Variants in TNFAIP8 observed in about 807,000 individuals in gnomAD.
TNFAIP8 encodes the protein TNF alpha induced protein 8.
TNFAIP8 carries 7 observed loss-of-function variants against 13.3 expected under a neutral mutation model. The ratio of observed to expected loss-of-function variants is 0.52; its 90% confidence interval spans 0.30 to 0.99. The LOEUF (loss-of-function observed/expected upper bound fraction) is 0.99. Among genes scored for constraint, TNFAIP8 ranks in the 50% least tolerant of loss-of-function variants. TNFAIP8 has a pLI of 0.07. For synonymous variants in TNFAIP8, 94 were observed against 87.6 expected, an observed-to-expected ratio of 1.07 and a Z score of -0.41; for missense variants, 258 against 236.9, an observed-to-expected ratio of 1.09 and a Z score of -0.58.
chr5:119,359,336 C>T (rs973910073), intron 1 of TNFAIP8, among the ~76,000 whole-genome samples: 1 of 152,144 alleles, frequency 6.6e-6, no homozygotes, highest in Non-Finnish European at 1.5e-5. Context: ...TTTTCTGAAC[C>T]TAAACTCAGA....
intron 1 of TNFAIP8, among the ~76,000 whole-genome samples, chr5:119,358,653 A>G (rs1751525131): frequency 6.6e-6 from 1 of 152,214 alleles, no homozygotes; most frequent in Non-Finnish European, 1.5e-5. Flanking sequence ...AACAGTTTCC[A>G]GTGGATGGGG....
chr5:119,344,374 G>A (rs569856385), intron 1 of TNFAIP8, among the ~76,000 whole-genome samples: 2 of 152,302 alleles, frequency 1.3e-5, no homozygotes, highest in East Asian at 3.9e-4. Flanking sequence ...AGGGCACCAA[G>A]CCATTCATTA....
At chr5:119,385,418 C>T (rs1752631957) in intron 1 of TNFAIP8, among the ~76,000 whole-genome samples, 1 of 152,140 alleles carries the variant, frequency 6.6e-6, no homozygotes, top group Non-Finnish European at 1.5e-5. Context: ...TGGCCCATTA[C>T]CTTTGCATCT....
intron 1 of TNFAIP8, among the ~76,000 whole-genome samples, chr5:119,372,698 G>C (rs1239604596): frequency 6.6e-6 from 1 of 152,158 alleles, no homozygotes. Flanking sequence ...TATGGCTCAT[G>C]CCTGTAATCC....
At chr5:119,305,427 C>T (rs979428557) in intron 1 of TNFAIP8, among the ~76,000 whole-genome samples, 1 of 152,086 alleles carries the variant, frequency 6.6e-6, no homozygotes, top group Non-Finnish European at 1.5e-5. Flanking sequence ...CATATCAATT[C>T]TAATTTTAAA....
At chr5:119,321,149 G>A (rs1216471803) in intron 1 of TNFAIP8, among the ~76,000 whole-genome samples, 1 of 152,074 alleles carries the variant, frequency 6.6e-6, no homozygotes, top group Non-Finnish European at 1.5e-5. Context: ...CCCGGGAGGC[G>A]GAGCTTGCAG....
chr5:119,282,551 A>T (rs73248976), intron 1 of TNFAIP8, among the ~76,000 whole-genome samples: 1,545 of 152,310 alleles, frequency 0.01, 17 homozygotes, highest in African/African-American at 0.035. Flanking sequence ...CATTTTCAGG[A>T]CTAGCATGTT....
At chr5:119,317,009 A>T (rs1749918417) in intron 1 of TNFAIP8, among the ~76,000 whole-genome samples, 1 of 152,236 alleles carries the variant, frequency 6.6e-6, no homozygotes, top group Admixed American at 6.5e-5. Flanking sequence ...AATCAGGCTG[A>T]AGAAATGCCA....
chr5:119,294,282 TGA>T (rs1030396736), intron 1 of TNFAIP8, among the ~76,000 whole-genome samples: 1 of 145,904 alleles, frequency 6.9e-6, no homozygotes, highest in Non-Finnish European at 1.5e-5. Flanking sequence ...CACCTATGAG[TGA>T]GAACATGCGG....
At chr5:119,392,433 C>G (rs185626327) in intron 1 of TNFAIP8, among the ~76,000 whole-genome samples, 1 of 152,032 alleles carries the variant, frequency 6.6e-6, no homozygotes, top group African/African-American at 2.4e-5. Context: ...CTGTGTCACC[C>G]AGGCTGGAGT....
chr5:119,387,975 T>G (rs1291118004), intron 1 of TNFAIP8, among the ~76,000 whole-genome samples: 1 of 152,224 alleles, frequency 6.6e-6, no homozygotes, highest in Non-Finnish European at 1.5e-5. Context: ...AAAAACTGAA[T>G]GAATATTTTC....
chr5:119,329,307 G>A (rs1212470920), intron 1 of TNFAIP8, among the ~76,000 whole-genome samples: 1 of 152,188 alleles, frequency 6.6e-6, no homozygotes, highest in Non-Finnish European at 1.5e-5. Flanking sequence ...ATAGAAACAA[G>A]TACTACATGA....
intron 1 of TNFAIP8, among the ~76,000 whole-genome samples, chr5:119,336,441 C>A (rs1163841256): frequency 6.6e-6 from 1 of 152,182 alleles, no homozygotes; most frequent in East Asian, 1.9e-4. Flanking sequence ...TGTGTTTCAA[C>A]CTGGTTCATC....
chr5:119,333,512 G>A, intron 1 of TNFAIP8: 1 of 1,514,892 alleles, frequency 6.6e-7, no homozygotes, highest in Non-Finnish European at 8.8e-7. Context: ...GGGTGATGCA[G>A]GTTCCATAGT....
intron 1 of TNFAIP8, among the ~76,000 whole-genome samples, chr5:119,364,951 A>G (rs903006157): frequency 2.1e-5 from 3 of 144,978 alleles, no homozygotes; most frequent in African/African-American, 7.8e-5. Context: ...TCCCAGGTTC[A>G]ACTGATTCCC....
intron 1 of TNFAIP8, among the ~76,000 whole-genome samples, chr5:119,303,991 G>A (rs1454730046): frequency 1.3e-5 from 2 of 152,168 alleles, no homozygotes; most frequent in African/African-American, 2.4e-5. Context: ...TATAAATGGA[G>A]TGACTGCCCT....
At chr5:119,278,191 G>A (rs140316887) in intron 1 of TNFAIP8, among the ~76,000 whole-genome samples, 6 of 152,188 alleles carry the variant, frequency 3.9e-5, no homozygotes, top group Non-Finnish European at 8.8e-5. Flanking sequence ...ATTCAGGATT[G>A]GATCCTTGGC....
At chr5:119,339,462 T>C (rs1038884321) in intron 1 of TNFAIP8, among the ~76,000 whole-genome samples, 1 of 150,958 alleles carries the variant, frequency 6.6e-6, no homozygotes, top group East Asian at 1.9e-4. Context: ...GTGGTGTTTT[T>C]TTTTTTTTTT....
At chr5:119,308,392 CTTT>C (rs57948080) in intron 1 of TNFAIP8, among the ~76,000 whole-genome samples, 4,161 of 129,230 alleles carry the variant, frequency 0.032, 154 homozygotes, top group African/African-American at 0.11. Flanking sequence ...CGTTTCCCAC[CTTT>C]TTTTTTTTTT....
Sources: allele counts gnomAD v4.1 joint callset (sites outside exome capture counted in the v4.1 genomes callset), GRCh38; gene constraint gnomAD v4.1.1; transcripts MANE v1.5; gene names NCBI Gene and HGNC (gene_info 2026-07-23, HGNC 2026-07-21).